The following TNRC6B variants were observed in gnomAD, a reference collection of about 807,000 sequenced individuals.
TNRC6B encodes trinucleotide repeat-containing gene 6B protein.
TNRC6B carries 52 observed loss-of-function variants against 203.6 expected under a neutral mutation model. The ratio of observed to expected loss-of-function variants is 0.26; its 90% CI spans 0.20 to 0.32. The LOEUF is 0.32. Ranked by LOEUF, TNRC6B falls within the 10% of genes least tolerant of loss-of-function variation. TNRC6B has a pLI of 1.00. For missense variants in TNRC6B, 1,923 were observed against 2,286.2 expected (o/e 0.84, Z 3.24); for synonymous variants, 838 against 845.7 (o/e 0.99, Z 0.16).
At chr22:40,158,746 TG>T (rs373510451) in intron 4 of TNRC6B, among the ~76,000 whole-genome samples, 96 of 152,334 alleles carry the variant, frequency 6.3e-4, no homozygotes, top group African/African-American at 2.3e-3. Context: ...TGTTTTCTTC[TG>T]GGCCTGGTCA....
At chr22:40,302,654 GTT>G (rs1251642120) in intron 15 of TNRC6B, among the ~76,000 whole-genome samples, 1 of 150,782 alleles carries the variant, frequency 6.6e-6, no homozygotes, top group Non-Finnish European at 1.5e-5. Context: ...AAAAAAAAGA[GTT>G]GGGAAGACAT....
At chr22:40,048,988 G>T (rs900413619) in intron 1 of TNRC6B, among the ~76,000 whole-genome samples, 1 of 152,050 alleles carries the variant, frequency 6.6e-6, no homozygotes, top group Non-Finnish European at 1.5e-5. Flanking sequence ...AGCCTCCCAA[G>T]TAGCTGGGAT....
chr22:40,301,299 T>C lies in TNRC6B; in HGVS notation c.4086T>C (p.Leu1362=). ...PNALNVGLPD[L]QTKGPIPGYG... The stretch of plus-strand genomic sequence containing the variant: ...CATTGAATGTGGGGCTCCCAGACCT[T>C]CAAACCAAAGGGCCAATACCTGGAT... The change falls in exon 15 of 23, where the codon CTT becomes CTC. Residue 1362 remains leucine (L), a synonymous_variant. Transcript: ENST00000454349. 6.2e-7 allele frequency: 1 copy of C among 1,605,332 alleles called. No individual in the cohort carries two copies. Among genetic ancestry groups the C allele is most frequent in the Non-Finnish European group, 8.5e-7 (1 of 1,175,384 alleles).
At chr22:40,092,846 TG>T (rs2068160714) in intron 1 of TNRC6B, among the ~76,000 whole-genome samples, 3 of 152,164 alleles carry the variant, frequency 2.0e-5, no homozygotes, top group South Asian at 4.1e-4. Context: ...GTAATGTAAA[TG>T]TAATTAGATA....
intron 1 of TNRC6B, among the ~76,000 whole-genome samples, chr22:40,093,589 C>A (rs1274419655): frequency 1.3e-5 from 2 of 152,202 alleles, no homozygotes; most frequent in African/African-American, 4.8e-5. Context: ...CAAGACAATT[C>A]ATCGTCAAAG....
In TNRC6B at chr22:40,154,514, G is replaced by A. The variant is rs543127879; in HGVS notation, c.46-1601G>A. Among the ~76,000 whole-genome samples, 633 of 151,158 alleles carry A rather than the reference G, an allele frequency of 4.2e-3. 1 individual carries two copies. Among genetic ancestry groups the A allele is most frequent in the Non-Finnish European group, 6.8e-3 (464 of 67,824 alleles). On this transcript the variant is annotated intron_variant, in intron 3 of 23. Transcript: ENST00000301923. ...AAAATAAAAGCATGTATATACGTAT[G>A]TATGCCTATATGTACATACATATGG...
intron 1 of TNRC6B, among the ~76,000 whole-genome samples, chr22:40,105,234 AC>A (rs2068273145): frequency 6.6e-6 from 1 of 152,250 alleles, no homozygotes; most frequent in African/African-American, 2.4e-5. Flanking sequence ...TACCAAAAAT[AC>A]CATTTTTCCT....
chr22:40,206,132 A>AT (rs1181422918), intron 1 of TNRC6B, among the ~76,000 whole-genome samples: 2 of 152,030 alleles, frequency 1.3e-5, no homozygotes, highest in African/African-American at 4.8e-5. Flanking sequence ...CCAGAAATAT[A>AT]TTTTTTTAAT....
At chr22:40,050,598 C>A (rs984699228) in intron 1 of TNRC6B, among the ~76,000 whole-genome samples, 3 of 152,166 alleles carry the variant, frequency 2.0e-5, no homozygotes, top group African/African-American at 7.2e-5. Flanking sequence ...CCACTACCCC[C>A]ATCCACCCTC....
chr22:40,189,162 C>G (rs550801338), intron 1 of TNRC6B, among the ~76,000 whole-genome samples: 1 of 152,118 alleles, frequency 6.6e-6, no homozygotes, highest in Non-Finnish European at 1.5e-5. Context: ...TTGTCTTCCC[C>G]GTCCAGGGTA....
Position 40,315,384 on chromosome 22 carries a change from AAC to A in TNRC6B, c.4783_4784del (p.Thr1595TyrfsTer45). The A allele has an allele frequency of 6.2e-7, 1 of 1,613,984 alleles. No homozygotes were observed. The highest frequency in any genetic ancestry group is 8.5e-7 in the Non-Finnish European group (1 of 1,179,894). On this transcript the variant is annotated frameshift_variant, in exon 20 of 23. Transcript: ENST00000454349. LOFTEE classifies it high-confidence loss of function. ...GTGGAAAAACCATATTTCCTCCAGG[AAC>A]ACTACACCGCTGCCCCGCCCACCTC... ...KMWKNHISSR[N>X]TTPLPRPPPG...
intron 4 of TNRC6B, among the ~76,000 whole-genome samples, chr22:40,262,591 A>G (rs1160047513): frequency 1.3e-5 from 2 of 152,200 alleles, no homozygotes; most frequent in Non-Finnish European, 2.9e-5. Flanking sequence ...CTACATTGCA[A>G]TATAGAATCT....
intron 1 of TNRC6B, among the ~76,000 whole-genome samples, chr22:40,237,557 A>G (rs1215773376): frequency 1.3e-5 from 2 of 152,278 alleles, no homozygotes; most frequent in East Asian, 3.9e-4. Context: ...AGTAAGCCAG[A>G]AAACCAGAGA....
intron 1 of TNRC6B, among the ~76,000 whole-genome samples, chr22:40,232,989 A>G (rs2069896405): frequency 6.6e-6 from 1 of 152,006 alleles, no homozygotes; most frequent in Non-Finnish European, 1.5e-5. Context: ...CTCTACTAAA[A>G]TACAAAAAAT....
chr22:40,065,210 G>C (rs1641504368), intron 1 of TNRC6B, among the ~76,000 whole-genome samples: 1 of 152,014 alleles, frequency 6.6e-6, no homozygotes, highest in South Asian at 2.1e-4. Context: ...GGCTGGAGTG[G>C]ATCTTAGCCC....
chr22:40,303,046 C>CTTTTTTTTTT (rs756951957), intron 15 of TNRC6B, among the ~76,000 whole-genome samples: 3 of 90,064 alleles, frequency 3.3e-5, no homozygotes, highest in Non-Finnish European at 6.5e-5. Flanking sequence ...TCTTCTTCTT[C>CTTTTTTTTTT]TTTTTTTTTT....
At chr22:40,246,217 T>G (rs1268059010) in intron 2 of TNRC6B, 115 bp downstream of exon 2, 3 of 763,064 alleles carry the variant, frequency 3.9e-6, no homozygotes, top group Non-Finnish European at 6.0e-6. Context: ...TGAGATGGAG[T>G]CTTGCTCTGT....
intron 3 of TNRC6B, among the ~76,000 whole-genome samples, chr22:40,126,942 GTTTGC>G: frequency 6.6e-6 from 1 of 150,588 alleles, no homozygotes; most frequent in Non-Finnish European, 1.5e-5. Flanking sequence ...ATGGTAATTT[GTTTGC>G]TTTGTTTTTT....
chr22:40,060,637 T>C (rs2067841606), intron 1 of TNRC6B, among the ~76,000 whole-genome samples: 1 of 152,202 alleles, frequency 6.6e-6, no homozygotes, highest in South Asian at 2.1e-4. Context: ...GTCATACTCA[T>C]GACTAAGATT....
Sources: gnomAD v4.1 joint callset for allele counts (sites outside exome capture counted in the v4.1 genomes callset) on GRCh38, gnomAD v4.1.1 for gene constraint, MANE v1.5 for transcripts, NCBI Gene and HGNC (gene_info 2026-07-23, HGNC 2026-07-21) for gene names.